The following UBAC2 variants were observed in gnomAD, a reference collection of about 807,000 sequenced individuals.
The protein encoded by UBAC2 is UBA domain containing 2.
UBAC2 carries 26 observed loss-of-function variants against 44.0 expected under a neutral mutation model. The observed-to-expected ratio is 0.59, with a 90% CI of 0.43 to 0.82. UBAC2 has a LOEUF of 0.82. Among genes scored for constraint, UBAC2 ranks in the 40% least tolerant of loss-of-function variants. The pLI is 0.00. For missense variants in UBAC2, 329 were observed against 419.4 expected (o/e 0.78, Z 1.88); for synonymous variants, 155 against 154.3 (o/e 1.00, Z -0.04).
At chr13:99,252,228 A>C (rs1182556808) in intron 4 of UBAC2, among the ~76,000 whole-genome samples, 1 of 152,218 alleles carries the variant, frequency 6.6e-6, no homozygotes, top group African/African-American at 2.4e-5. Context: ...TTGTCCTTAT[A>C]TGTGTATTAC....
intron 4 of UBAC2, among the ~76,000 whole-genome samples, chr13:99,250,949 C>T (rs1158810747): frequency 2.0e-5 from 3 of 152,054 alleles, no homozygotes; most frequent in African/African-American, 7.2e-5. Flanking sequence ...CGGGGTTTCA[C>T]TGCATTAGCC....
At position 99,314,313 on chromosome 13, in the gene UBAC2, A is replaced by G. The variant is rs966060823; in HGVS notation, c.513+93A>G. The G allele has an allele frequency of 3.5e-6, 5 of 1,411,336 alleles. No homozygotes were observed. In the African/African-American group the frequency reaches 4.4e-5, roughly 13 times the overall value. 87.4% of individuals were successfully genotyped at this position (1,411,336 alleles called of 1,614,324 possible). ...TTCTCATTTGATCTCCTTGAAAACA[A>G]TGGTTTTTTTCCCCCCATAATCTTG... On this transcript the variant is annotated intron_variant, in intron 5 of 8. Coordinates refer to ENST00000403766, the MANE Select transcript of UBAC2 (RefSeq NM_001144072.2).
At chr13:99,277,991 T>G (rs934565619) in intron 4 of UBAC2, among the ~76,000 whole-genome samples, 24 of 152,210 alleles carry the variant, frequency 1.6e-4, no homozygotes, top group Non-Finnish European at 3.5e-4. Flanking sequence ...GGGCCTTTCC[T>G]GCTGTTCTCG....
At chr13:99,298,607 G>C (rs561691162) in intron 4 of UBAC2, among the ~76,000 whole-genome samples, 1 of 152,122 alleles carries the variant, frequency 6.6e-6, no homozygotes, top group Non-Finnish European at 1.5e-5. Flanking sequence ...TCCAAAGCAA[G>C]TGGAAGAAAA....
In UBAC2 at chr13:99,380,128, T is replaced by G. The variant is rs1182480506; in HGVS notation, c.928-5100T>G. Among the ~76,000 whole-genome samples the G allele has an allele frequency of 2.6e-5, 4 of 152,204 alleles. No individual in the cohort carries two copies. The East Asian group carries it at 7.7e-4, about 29-fold the overall frequency. Reference sequence around the variant, plus strand: ...TGCATTTTGACTGCAGCCCATCACATGAGGTCAGGTGTGGAACTTGCCATT... The same window carrying G: ...TGCATTTTGACTGCAGCCCATCACAGGAGGTCAGGTGTGGAACTTGCCATT... On this transcript the variant is annotated intron_variant, in intron 8 of 8. Coordinates refer to ENST00000403766, the MANE Select transcript of UBAC2 (RefSeq NM_001144072.2).
At chr13:99,209,084 G>C (rs1406242598) in intron 1 of UBAC2, among the ~76,000 whole-genome samples, 1 of 152,186 alleles carries the variant, frequency 6.6e-6, no homozygotes, top group East Asian at 1.9e-4. Context: ...TCCTTGCCCT[G>C]GCTGTGCATG....
intron 1 of UBAC2, among the ~76,000 whole-genome samples, chr13:99,210,887 C>T (rs1355287494): frequency 2.6e-5 from 4 of 152,210 alleles, no homozygotes; most frequent in African/African-American, 9.7e-5. Flanking sequence ...GCTGGGATTA[C>T]AGGTGTGAGC....
At chr13:99,210,790 G>T (rs2042929759) in intron 1 of UBAC2, among the ~76,000 whole-genome samples, 1 of 151,760 alleles carries the variant, frequency 6.6e-6, no homozygotes, top group Non-Finnish European at 1.5e-5. Context: ...TTTTATACTT[G>T]TAGTAGAGAC....
intron 7 of UBAC2, among the ~76,000 whole-genome samples, chr13:99,365,167 A>G (rs949581039): frequency 3.3e-5 from 5 of 152,248 alleles, no homozygotes; most frequent in Middle Eastern, 3.4e-3. Context: ...CCCTTGTATT[A>G]TTCTTAATAC....
intron 4 of UBAC2, among the ~76,000 whole-genome samples, chr13:99,288,265 A>AC (rs1160368468): frequency 6.6e-6 from 1 of 152,176 alleles, no homozygotes; most frequent in Non-Finnish European, 1.5e-5. Context: ...TCAGAAAAGC[A>AC]CTTGAGTTCT....
At chr13:99,215,137 A>G (rs576288167) in intron 1 of UBAC2, among the ~76,000 whole-genome samples, 96 of 152,370 alleles carry the variant, frequency 6.3e-4, no homozygotes, top group Non-Finnish European at 1.1e-3. Flanking sequence ...GCTCAATCAA[A>G]GCCCAGTACT....
intron 2 of UBAC2, 103 bp from the exon 3 acceptor site, chr13:99,243,729 T>G (rs2043348357): frequency 2.0e-6 from 2 of 1,014,988 alleles, no homozygotes; most frequent in Admixed American, 2.7e-5. Flanking sequence ...TGATTTTGTT[T>G]AGGACATTAA....
At chr13:99,217,245 C>A (rs1420620266) in intron 1 of UBAC2, among the ~76,000 whole-genome samples, 1 of 152,158 alleles carries the variant, frequency 6.6e-6, no homozygotes, top group Non-Finnish European at 1.5e-5. Flanking sequence ...AGAGTCAGTC[C>A]CTCCATCCAT....
chr13:99,328,020 G>A (rs529666338), intron 6 of UBAC2, among the ~76,000 whole-genome samples: 2 of 152,258 alleles, frequency 1.3e-5, no homozygotes, highest in African/African-American at 4.8e-5. Context: ...ACATCCAGCT[G>A]CCAGCCGCAG....
intron 1 of UBAC2, among the ~76,000 whole-genome samples, chr13:99,218,613 C>T (rs1230500060): frequency 3.9e-5 from 6 of 151,986 alleles, no homozygotes; most frequent in South Asian, 2.1e-4. Context: ...GCCAGGCACT[C>T]TGCCCGGTTG....
intron 7 of UBAC2, among the ~76,000 whole-genome samples, chr13:99,345,182 A>G (rs1316435675): frequency 1.3e-5 from 2 of 152,190 alleles, no homozygotes; most frequent in Non-Finnish European, 2.9e-5. Flanking sequence ...TGTGATTGAC[A>G]TGTGGGCAGA....
In UBAC2 at chr13:99,290,261, A is replaced by G. The variant is rs150940144; in HGVS notation, c.390-23836A>G. ...TTATATGTAAAGTGCTTAAAGCACT[A>G]TGCTATATAATTGTTAGCAAGTATT... On this transcript the variant is annotated intron_variant, in intron 4 of 8. Transcript: ENST00000403766. Among the ~76,000 whole-genome samples, 5 of 152,352 alleles carry G rather than the reference A, an allele frequency of 3.3e-5. No individual in the cohort carries two copies. In the East Asian group the frequency reaches 9.6e-4, roughly 29 times the overall value.
chr13:99,201,347 T>G, intron 1 of UBAC2: 1 of 1,545,626 alleles, frequency 6.5e-7, no homozygotes, highest in Non-Finnish European at 8.8e-7. Flanking sequence ...CCGAACTAAC[T>G]CCCCCCGCCC....
At chr13:99,211,534 T>G (rs1364068075) in intron 1 of UBAC2, among the ~76,000 whole-genome samples, 2 of 152,238 alleles carry the variant, frequency 1.3e-5, no homozygotes, top group Non-Finnish European at 2.9e-5. Flanking sequence ...ATACTACGTG[T>G]TAGGCACTGT....
Sources: allele counts gnomAD v4.1 joint callset (sites outside exome capture counted in the v4.1 genomes callset), GRCh38; gene constraint gnomAD v4.1.1; transcripts MANE v1.5; gene names NCBI Gene and HGNC (gene_info 2026-07-23, HGNC 2026-07-21).